The following ADGRL2 variants were observed in gnomAD, a reference collection of about 807,000 sequenced individuals.
The protein encoded by ADGRL2 is adhesion G protein-coupled receptor L2.
A neutral mutation model predicts 157.4 loss-of-function variants in ADGRL2; 44 were observed. That is an observed-to-expected ratio of 0.28 (90% CI 0.22 to 0.36). ADGRL2 has a LOEUF of 0.36. ADGRL2 is among the 10% of genes least tolerant of loss of function. ADGRL2 has a pLI of 1.00. For synonymous variants in ADGRL2, 585 were observed against 624.7 expected, an observed-to-expected ratio of 0.94 and a Z score of 0.95; for missense variants, 1,510 against 1,768.9, an observed-to-expected ratio of 0.85 and a Z score of 2.63.
intron 8 of ADGRL2, among the ~76,000 whole-genome samples, 180 bp from the exon 9 acceptor site, chr1:81,951,777 G>A (rs1651882019): frequency 6.6e-6 from 1 of 152,088 alleles, no homozygotes; most frequent in African/African-American, 2.4e-5. Context: ...GTGTGTGTGT[G>A]TGTGTTGATA....
intron 2 of ADGRL2, among the ~76,000 whole-genome samples, chr1:81,568,055 G>T (rs2080602853): frequency 6.6e-6 from 1 of 150,770 alleles, no homozygotes; most frequent in African/African-American, 2.4e-5. Flanking sequence ...AAATACAATG[G>T]CTTCGAAAAA....
chr1:81,333,649 C>A (rs1661431637), intron 1 of ADGRL2, among the ~76,000 whole-genome samples: 1 of 151,702 alleles, frequency 6.6e-6, no homozygotes. Context: ...AACTCTTGAC[C>A]TTGTGATCCA....
At chr1:81,406,471 CTT>C (rs1408812609) in intron 1 of ADGRL2, among the ~76,000 whole-genome samples, 2 of 152,162 alleles carry the variant, frequency 1.3e-5, no homozygotes, top group Non-Finnish European at 2.9e-5. Flanking sequence ...CCCAAGGAGT[CTT>C]TGTTCCCAGG....
chr1:81,804,840 CTA>C (rs1352199787), intron 1 of ADGRL2, among the ~76,000 whole-genome samples: 1 of 152,058 alleles, frequency 6.6e-6, no homozygotes, highest in African/African-American at 2.4e-5. Context: ...TAATTAGTCT[CTA>C]AAACAATAGA....
intron 2 of ADGRL2, among the ~76,000 whole-genome samples, chr1:81,530,512 A>G (rs148747145): frequency 0.016 from 2,458 of 151,690 alleles, 67 homozygotes; most frequent in African/African-American, 0.056. Flanking sequence ...CACACCAGCT[A>G]ATTGTTTTGT....
chr1:81,699,440 A>C (rs139531993), upstream of ADGRL2, among the ~76,000 whole-genome samples: 41 of 152,258 alleles, frequency 2.7e-4, no homozygotes, highest in African/African-American at 9.6e-4. Context: ...CTGTTCCCAC[A>C]CCTCAGTTAG....
At chr1:81,884,064 C>T (rs1170493702) in intron 2 of ADGRL2, among the ~76,000 whole-genome samples, 3 of 151,304 alleles carry the variant, frequency 2.0e-5, no homozygotes, top group African/African-American at 7.3e-5. Flanking sequence ...TGGTTCCCTT[C>T]AGCCTTGATC....
intron 3 of ADGRL2, among the ~76,000 whole-genome samples, chr1:81,632,754 C>CAAAA: frequency 8.9e-6 from 1 of 112,160 alleles, no homozygotes; most frequent in East Asian, 2.2e-4. Context: ...GACTCCGTCT[C>CAAAA]AAAAAAAAAA....
intron 3 of ADGRL2, among the ~76,000 whole-genome samples, chr1:81,665,276 T>C (rs961027899): frequency 6.6e-5 from 10 of 152,202 alleles, no homozygotes; most frequent in Admixed American, 1.3e-4. Context: ...CGTAAGTACC[T>C]GGAAATCACA....
At chr1:81,946,499 C>T (rs1649901709) in intron 6 of ADGRL2, among the ~76,000 whole-genome samples, 1 of 151,936 alleles carries the variant, frequency 6.6e-6, no homozygotes, top group African/African-American at 2.4e-5. Flanking sequence ...TAACTCTTTT[C>T]CATTTCTTAA....
chr1:81,941,082 T>C (rs903094711), intron 4 of ADGRL2, among the ~76,000 whole-genome samples: 1 of 151,520 alleles, frequency 6.6e-6, no homozygotes, highest in African/African-American at 2.4e-5. Flanking sequence ...CTATGTAAAT[T>C]GATGATGGTA....
intron 1 of ADGRL2, among the ~76,000 whole-genome samples, chr1:81,370,338 G>A (rs11163263): frequency 0.51 from 77,261 of 151,954 alleles, 21,695 homozygotes; most frequent in East Asian, 0.72. Context: ...AATCATTGTT[G>A]GAGATATTTT....
intron 3 of ADGRL2, among the ~76,000 whole-genome samples, chr1:81,643,505 C>T (rs964682809): frequency 6.6e-6 from 1 of 152,150 alleles, no homozygotes; most frequent in South Asian, 2.1e-4. Context: ...GATGGGGTCT[C>T]ACTATGTTGC....
chr1:81,926,001 T>C (rs910510440), intron 3 of ADGRL2, among the ~76,000 whole-genome samples: 25 of 152,040 alleles, frequency 1.6e-4, no homozygotes, highest in African/African-American at 6.0e-4. Context: ...AATTCTGCCC[T>C]CTAAAACTCC....
intron 2 of ADGRL2, among the ~76,000 whole-genome samples, chr1:81,472,052 G>C (rs534231954): frequency 2.0e-5 from 3 of 152,066 alleles, no homozygotes; most frequent in Admixed American, 2.0e-4. Flanking sequence ...ATTTTTTGAA[G>C]CACCATACCA....
At chr1:81,866,105 G>T (rs11163392) in intron 2 of ADGRL2, among the ~76,000 whole-genome samples, 1 of 152,128 alleles carries the variant, frequency 6.6e-6, no homozygotes, top group Admixed American at 6.6e-5. Flanking sequence ...CTTGATGCTC[G>T]TAGCAGAATA....
chr1:81,979,719 A>T lies in ADGRL2; in HGVS notation c.3022-150A>T, dbSNP rs529992669. ...AGAATTGATCATACATAGCCAGAGT[A>T]TTTTTTATGTAGACTCAACTTGATC... On this transcript the variant is annotated intron_variant, in intron 17 of 23. Coordinates refer to ENST00000686636, the MANE Select transcript of ADGRL2 (RefSeq NM_001366006.2). 8 of 557,338 alleles carry T rather than the reference A, an allele frequency of 1.4e-5. No homozygotes were observed. In the East Asian group the frequency reaches 2.3e-4, roughly 16 times the overall value. 34.5% of individuals were successfully genotyped at this position (557,338 alleles called of 1,614,324 possible).
At position 81,770,709 on chromosome 1, in the gene ADGRL2, GTGATC is replaced by G. The variant is rs570113390; in HGVS notation, c.-101+8858_-101+8862del. Among the ~76,000 whole-genome samples, 14 of 150,014 alleles carry G rather than the reference GTGATC, an allele frequency of 9.3e-5. No homozygotes were observed. In the South Asian group the frequency reaches 1.9e-3, roughly 21 times the overall value. On this transcript the variant is annotated intron_variant, in intron 2 of 20. Transcript: ENST00000359929. The stretch of plus-strand genomic sequence containing the variant: ...GCTGGTCTCAAACTCCTGACCTCAG[GTGATC>G]CACCCGCCTCGGCCTCCCAAAAGTG...
intron 2 of ADGRL2, among the ~76,000 whole-genome samples, chr1:81,496,609 T>G (rs928157290): frequency 6.6e-6 from 1 of 151,234 alleles, no homozygotes; most frequent in Admixed American, 6.6e-5. Context: ...ATTATGAATA[T>G]GGATAGAATG....
Sources: allele counts gnomAD v4.1 joint callset (sites outside exome capture counted in the v4.1 genomes callset), GRCh38; gene constraint gnomAD v4.1.1; transcripts MANE v1.5; gene names NCBI Gene and HGNC (gene_info 2026-07-23, HGNC 2026-07-21).